The following MEOX1 variants were observed in gnomAD, a reference collection of about 807,000 sequenced individuals.
The protein encoded by MEOX1 is homeobox protein MOX-1.
MEOX1 carries 17 observed loss-of-function variants against 23.2 expected under a neutral mutation model. The observed-to-expected ratio is 0.73, with a 90% CI of 0.50 to 1.10. The LOEUF (loss-of-function observed/expected upper bound fraction) is 1.10, where lower values mean the gene tolerates loss of function less well. Ranked by LOEUF, MEOX1 falls within the 50% of genes least tolerant of loss-of-function variation. The pLI, the probability that MEOX1 is intolerant of heterozygous loss-of-function variation, is 0.00. For missense variants in MEOX1, 333 were observed against 332.2 expected, an observed-to-expected ratio of 1.00 and a Z score of -0.02; for synonymous variants, 134 against 135.1, an observed-to-expected ratio of 0.99 and a Z score of 0.06.
At chr17:43,643,041 G>C (rs1331509885) in intron 2 of MEOX1, among the ~76,000 whole-genome samples, 1 of 152,202 alleles carries the variant, frequency 6.6e-6, no homozygotes, top group East Asian at 1.9e-4. Flanking sequence ...GGGCGCAGTG[G>C]CTCACGCCTG....
Position 43,641,235 on chromosome 17 carries a change from C to T in MEOX1, c.*675G>A, listed in dbSNP as rs1330067354. On this transcript the variant is annotated 3_prime_UTR_variant, in exon 3 of 3. Transcript: ENST00000318579. ...CGGGCCTATATGGGGACACCGAAAC[C>T]TACATCGGGCTATTTTTCTGTCTTC... 6.6e-6 allele frequency: 1 copy of T among 152,206 alleles called. No homozygotes were observed. The highest frequency in any genetic ancestry group is 2.4e-5 in the African/African-American group (1 of 41,436). The allele number at this position is 152,206 out of a possible 1,614,324, so 9.4% of individuals were successfully genotyped here.
intron 1 of MEOX1, among the ~76,000 whole-genome samples, chr17:43,657,804 T>C (rs997459790): frequency 2.0e-5 from 3 of 152,158 alleles, no homozygotes; most frequent in Admixed American, 6.5e-5. Flanking sequence ...AATTCCACCA[T>C]CCCCATAAAT....
intron 1 of MEOX1, among the ~76,000 whole-genome samples, chr17:43,657,133 C>T (rs1265654151): frequency 7.1e-6 from 1 of 140,720 alleles, no homozygotes; most frequent in African/African-American, 2.7e-5. Context: ...TTCCTTCCTT[C>T]CTTTCTTCCT....
intron 1 of MEOX1, among the ~76,000 whole-genome samples, chr17:43,645,171 CTTTTTTTTTTT>C (rs869205502): frequency 2.0e-5 from 2 of 99,782 alleles, no homozygotes; most frequent in Non-Finnish European, 3.7e-5. Flanking sequence ...CATTAATTAT[CTTTTTTTTTTT>C]TTTTTTTTTT....
At chr17:43,642,770 ACAGATTCT>A (rs1224613560) in intron 2 of MEOX1, among the ~76,000 whole-genome samples, 3 of 152,166 alleles carry the variant, frequency 2.0e-5, no homozygotes, top group Admixed American at 2.0e-4. Flanking sequence ...TACTAGAAAT[ACAGATTCT>A]CAGGCCCACT....
chr17:43,659,455 G>C (rs1356570394), intron 1 of MEOX1, among the ~76,000 whole-genome samples: 1 of 152,116 alleles, frequency 6.6e-6, no homozygotes, highest in Non-Finnish European at 1.5e-5. Context: ...CAAGCAGACA[G>C]ACCAAACATC....
intron 1 of MEOX1, among the ~76,000 whole-genome samples, chr17:43,647,897 G>C (rs1421886125): frequency 9.8e-5 from 15 of 152,298 alleles, no homozygotes. Flanking sequence ...ATGGTGGGTG[G>C]GATGGATATT....
intron 1 of MEOX1, among the ~76,000 whole-genome samples, chr17:43,657,166 CTTTCTTTTT>C (rs1973051088): frequency 2.5e-5 from 2 of 81,146 alleles, no homozygotes; most frequent in Non-Finnish European, 2.5e-5. Flanking sequence ...TTCTTTCTTT[CTTTCTTTTT>C]TTTTTTTTTT....
Position 43,641,922 on chromosome 17 carries a change from T to C in MEOX1, c.753A>G (p.Pro251=), listed in dbSNP as rs376968466. The C allele has an allele frequency of 6.2e-7, 1 of 1,613,332 alleles. No homozygotes were observed. The highest frequency in any genetic ancestry group is 8.5e-7 in the Non-Finnish European group (1 of 1,179,682). The stretch of plus-strand genomic sequence containing the variant: ...TCCATGCAGAATCTCACTCTGAACT[T>C]GGAGAGGCTGTGGAGTCCCCATCCT... ...DPEDGDSTAS[P]SSE The change falls in exon 3 of 3, where the codon CCA becomes CCG. Residue 251 remains proline (P), a synonymous_variant. Transcript: ENST00000318579.
intron 1 of MEOX1, among the ~76,000 whole-genome samples, chr17:43,653,228 C>G (rs1972951430): frequency 6.6e-6 from 1 of 151,448 alleles, no homozygotes; most frequent in African/African-American, 2.4e-5. Flanking sequence ...CAACCTCTAC[C>G]TCCCTGGTTC....
At chr17:43,642,970 T>C (rs1039575124) in intron 2 of MEOX1, among the ~76,000 whole-genome samples, 5 of 152,150 alleles carry the variant, frequency 3.3e-5, no homozygotes, top group African/African-American at 1.2e-4. Context: ...CCTAGGCCAA[T>C]TAAAATCATC....
intron 1 of MEOX1, among the ~76,000 whole-genome samples, chr17:43,654,014 G>T (rs964311978): frequency 6.6e-6 from 1 of 152,190 alleles, no homozygotes; most frequent in African/African-American, 2.4e-5. Flanking sequence ...GCCACAGTTT[G>T]AACCTTGTCC....
intron 1 of MEOX1, among the ~76,000 whole-genome samples, chr17:43,650,220 G>GGAAGTAGAA (rs1301577019): frequency 6.6e-6 from 1 of 152,168 alleles, no homozygotes; most frequent in Admixed American, 6.5e-5. Context: ...AGAAAGTAGA[G>GGAAGTAGAA]GTGGGAGGGA....
At chr17:43,652,617 GT>G (rs2049287244) in intron 1 of MEOX1, among the ~76,000 whole-genome samples, 1 of 152,140 alleles carries the variant, frequency 6.6e-6, no homozygotes, top group African/African-American at 2.4e-5. Context: ...CAGCCAGGAA[GT>G]TGTGGATCAG....
In MEOX1 at chr17:43,643,477, CG is replaced by C. The variant is rs762635938; in HGVS notation, c.642+10del. 2.6e-6 allele frequency: 4 copies of C among 1,562,434 alleles called. No homozygotes were observed. Among genetic ancestry groups the C allele is most frequent in the Non-Finnish European group, 3.5e-6 (4 of 1,152,136 alleles). On this transcript the variant is annotated intron_variant, in intron 2 of 2. Transcript: ENST00000318579. Reference sequence around the variant, plus strand: ...AGAGCAAAGAAGAGGAGGGGCCCACCGGGGGCGCACCTGGCGCTCAGAGAGG... The same window carrying C: ...AGAGCAAAGAAGAGGAGGGGCCCACCGGGGCGCACCTGGCGCTCAGAGAGG...
In MEOX1 at chr17:43,661,535, C is replaced by T; in HGVS notation, c.-1G>A. The T allele has an allele frequency of 1.3e-6, 2 of 1,534,814 alleles. No individual in the cohort carries two copies. Among genetic ancestry groups the T allele is most frequent in the South Asian group, 1.2e-5 (1 of 82,296 alleles). On this transcript the variant is annotated 5_prime_UTR_variant, in exon 1 of 3. Transcript: ENST00000318579. ...TGCAGCTGCTGGCCGCGGGATCCAT[C>T]TGCTGTCCGCTGCACGCCTCGGTCC...
intron 1 of MEOX1, among the ~76,000 whole-genome samples, chr17:43,645,770 T>C (rs1164565938): frequency 6.6e-6 from 1 of 152,202 alleles, no homozygotes; most frequent in Non-Finnish European, 1.5e-5. Flanking sequence ...CGATCCACTT[T>C]GGAGCTTTGA....
chr17:43,650,481 C>T (rs529342011), intron 1 of MEOX1, among the ~76,000 whole-genome samples: 9 of 152,254 alleles, frequency 5.9e-5, no homozygotes, highest in African/African-American at 2.2e-4. Context: ...AATGACTTGC[C>T]CAAGGCCCCT....
At chr17:43,646,901 C>A (rs7221532) in intron 1 of MEOX1, among the ~76,000 whole-genome samples, 21,990 of 152,236 alleles carry the variant, frequency 0.14, 4,059 homozygotes, top group African/African-American at 0.43. Flanking sequence ...GCAGGAGAAT[C>A]GTTTGAACCT....
Sources: allele counts gnomAD v4.1 joint callset (sites outside exome capture counted in the v4.1 genomes callset), GRCh38; gene constraint gnomAD v4.1.1; transcripts MANE v1.5; gene names NCBI Gene and HGNC (gene_info 2026-07-23, HGNC 2026-07-21).